Variants in SETD1A observed in about 807,000 individuals in gnomAD.
SETD1A encodes SET domain containing 1A, histone lysine methyltransferase, also known as histone-lysine N-methyltransferase SETD1A.
In SETD1A, 29 loss-of-function variants were observed where a neutral mutation model predicts 149.9. The observed-to-expected ratio is 0.19, with a 90% confidence interval of 0.14 to 0.26. The LOEUF is 0.26. Among genes scored for constraint, SETD1A ranks in the 10% least tolerant of loss-of-function variants. SETD1A has a pLI of 1.00. For synonymous variants in SETD1A, 1,141 were observed against 968.5 expected (o/e 1.18, Z -3.31); for missense variants, 2,109 against 2,353.1 (o/e 0.90, Z 2.15).
chr16:30,979,069 T>C lies in SETD1A; in HGVS notation c.3359-76T>C. 6.4e-6 allele frequency: 9 copies of C among 1,417,120 alleles called. No homozygotes were observed. In the East Asian group the frequency reaches 2.2e-4, roughly 35 times the overall value. 87.8% of individuals were successfully genotyped at this position (1,417,120 alleles called of 1,614,324 possible). A position where few individuals can be genotyped will look rare whatever the true frequency, so the allele number is the denominator to read the frequency against. ...CGGAAGTGGGGGAGAGCACACAGCC[T>C]GTGGTCATGGGCGGCCAGGGTGGCT... On this transcript the variant is annotated intron_variant, in intron 13 of 18. Transcript: ENST00000262519.
At position 30,979,880 on chromosome 16, in the gene SETD1A, GGGAGGAAGAGGGGGAGGAAGAGGAGGA is replaced by G. The variant is rs1164923751; in HGVS notation, c.4099_4125del (p.Glu1367_Glu1375del). The G allele has an allele frequency of 8.5e-6, 13 of 1,534,410 alleles. No homozygotes were observed. Among genetic ancestry groups the G allele is most frequent in the Admixed American group, 2.0e-5 (1 of 50,926 alleles). Reference sequence around the variant, plus strand: ...CAGCGGGAGGAGGGCGAAGAGGAGGGGGAGGAAGAGGGGGAGGAAGAGGAGGAGGAGTCCTCTGACAGCAGCAGCAGC... The same window carrying G: ...CAGCGGGAGGAGGGCGAAGAGGAGGGGGAGTCCTCTGACAGCAGCAGCAGC... On this transcript the variant is annotated inframe_deletion, in exon 14 of 19. Transcript: ENST00000262519.
At chr16:30,962,399 C>T (rs970261635) in intron 4 of SETD1A, among the ~76,000 whole-genome samples, 29 of 152,214 alleles carry the variant, frequency 1.9e-4, no homozygotes, top group African/African-American at 7.0e-4. Context: ...TTCTATAACC[C>T]ATATAGGTTT....
At chr16:30,960,382 T>G (rs541363025) in intron 3 of SETD1A, among the ~76,000 whole-genome samples, 2 of 152,348 alleles carry the variant, frequency 1.3e-5, no homozygotes, top group African/African-American at 4.8e-5. Context: ...TTGTTTTATA[T>G]TTCCATGTTC....
intron 13 of SETD1A, among the ~76,000 whole-genome samples, chr16:30,974,833 C>T (rs2056265129): frequency 6.6e-6 from 1 of 151,880 alleles, no homozygotes. Flanking sequence ...ATGGTGAAAC[C>T]CCATCTTAAC....
chr16:30,958,784 G>A lies in SETD1A; in HGVS notation c.53G>A (p.Arg18Gln). The stretch of plus-strand genomic sequence containing the variant: ...CAGAAGGCCCCGAGCTTCCAGTGGC[G>A]GAACTACAAGCTCATCGTGGATCCT... ...DGQKAPSFQWRNYKLIVDPAL... is the reference protein window; with the variant it reads ...DGQKAPSFQWQNYKLIVDPAL... Residue 18 changes from arginine to glutamine, a missense_variant, in exon 2 of 19, where the codon CGG becomes CAG. Physicochemically the swap from Arg to Gln is conservative, Grantham distance 43 (BLOSUM62 1). Transcript: ENST00000262519. The A allele has an allele frequency of 6.2e-7, 1 of 1,614,136 alleles. No homozygotes were observed. Among genetic ancestry groups the A allele is most frequent in the Non-Finnish European group, 8.5e-7 (1 of 1,179,968 alleles).
rs762251340 is a variant in SETD1A at position 30,964,294 on chromosome 16, C to T, written c.840C>T (p.Pro280=). 2.5e-6 allele frequency: 4 copies of T among 1,613,882 alleles called. No homozygotes were observed. The highest frequency in any genetic ancestry group is 3.4e-6 in the Non-Finnish European group (4 of 1,179,840). The part of the protein sequence containing the change: ...GTPYTSRGST[P]YSQDSAYSSS... ...CCTACACGTCTCGGGGCAGCACCCCCTACTCTCAGGACTCTGCCTACTCCA... is the reference window on the plus strand; with the variant it reads ...CCTACACGTCTCGGGGCAGCACCCCTTACTCTCAGGACTCTGCCTACTCCA... The change falls in exon 6 of 19, where the codon CCC becomes CCT. Residue 280 remains proline, a synonymous_variant. Transcript: ENST00000262519.
Position 30,980,689 on chromosome 16 carries a change from C to T in SETD1A, c.4581+32C>T, listed in dbSNP as rs1289104844. On this transcript the variant is annotated intron_variant, in intron 15 of 18. Coordinates refer to ENST00000262519, the MANE Select transcript of SETD1A (RefSeq NM_014712.3). The surrounding 1 kb of genome is among the most constrained non-coding windows in gnomAD (Gnocchi z 7.7). ...CTAACCCCGCCGCCGCGTCCTCCTG[C>T]CACTCACTTCCCTGCCCTGCTCACC... The T allele has an allele frequency of 1.9e-6, 3 of 1,610,556 alleles. No individual in the cohort carries two copies. The highest frequency in any genetic ancestry group is 4.5e-5 in the East Asian group (2 of 44,882).
At chr16:30,969,499 C>CT (rs759181727) in intron 11 of SETD1A, 37 bp downstream of exon 11, 26 of 1,598,886 alleles carry the variant, frequency 1.6e-5, no homozygotes, top group Non-Finnish European at 1.9e-5. Context: ...CCGAAGCCTA[C>CT]TTCCCATAGC....
chr16:30,979,817 C>A lies in SETD1A; in HGVS notation c.4031C>A (p.Ala1344Asp). ...EVLEAPEVVV[A>D]EAEEPKPQQL... ...CTGGAGGCCCCCGAGGTGGTGGTGG[C>A]TGAGGCGGAGGAGCCCAAGCCGCAG... Residue 1344 changes from alanine (A) to aspartate (D), a missense_variant, in exon 14 of 19, where the codon GCT becomes GAT. Around this residue, in one of 8 missense-constraint regions of SETD1A, gnomAD observed 832 missense variants for 815.6 expected, o/e 1.02. Transcript: ENST00000262519. The A allele has an allele frequency of 6.4e-7, 1 of 1,562,382 alleles. No homozygotes were observed. The highest frequency in any genetic ancestry group is 8.6e-7 in the Non-Finnish European group (1 of 1,161,162).
rs527756257 is a variant in SETD1A at position 30,969,357 on chromosome 16, C to T, written c.2823C>T (p.Pro941=). ...AGCCAGGACGTCCGGGGACCAAGCC[C>T]CCGAAGCGGGACGAAGAGCGAGGCA... ...AGEPGRPGTK[P]PKRDEERGKT... is the part of the protein sequence containing the mutation. Residue 941 remains proline (P), a synonymous_variant, in exon 11 of 19, where the codon CCC becomes CCT. Coordinates refer to ENST00000262519, the MANE Select transcript of SETD1A (RefSeq NM_014712.3). The T allele has an allele frequency of 1.2e-6, 2 of 1,614,178 alleles. No homozygotes were observed. The highest frequency in any genetic ancestry group is 2.2e-5 in the East Asian group (1 of 44,870).
chr16:30,969,308 C>G lies in SETD1A; in HGVS notation c.2774C>G (p.Pro925Arg). The change falls in exon 11 of 19, where the codon CCT (proline) becomes CGT (arginine). Residue 925 changes from proline to arginine, a missense_variant. Pro to Arg is a moderately radical substitution (Grantham distance 103, BLOSUM62 -2). Around this residue, in one of 8 missense-constraint regions of SETD1A, gnomAD observed 832 missense variants for 815.6 expected, o/e 1.02. Coordinates refer to ENST00000262519, the MANE Select transcript of SETD1A (RefSeq NM_014712.3). Reference sequence around the variant, plus strand: ...AACTACCACTCTGCTGGCCTAGACCCTGAACAAGAGAAGGAGGCTGGAGAG... The same window carrying G: ...AACTACCACTCTGCTGGCCTAGACCGTGAACAAGAGAAGGAGGCTGGAGAG... The part of the protein sequence containing the change: ...STPAEEDEDD[P>R]EQEKEAGEPG... The G allele has an allele frequency of 6.2e-7, 1 of 1,613,620 alleles. No homozygotes were observed. Among genetic ancestry groups the G allele is most frequent in the East Asian group, 2.2e-5 (1 of 44,874 alleles).
Position 30,971,726 on chromosome 16 carries a change from GCC to G in SETD1A, c.3358+8_3358+9del. 1 of 1,547,304 alleles carries G rather than the reference GCC, an allele frequency of 6.5e-7. No homozygotes were observed. Among genetic ancestry groups the G allele is most frequent in the Non-Finnish European group, 8.7e-7 (1 of 1,145,056 alleles). Reference sequence around the variant, plus strand: ...TCTCCAGCAAGGCCTGCAGGTAGGTGCCACAGGGCTGTCGGTTAGATCGCTGT... The same window carrying G: ...TCTCCAGCAAGGCCTGCAGGTAGGTGACAGGGCTGTCGGTTAGATCGCTGT... On this transcript the variant is annotated splice_region_variant and intron_variant, in intron 13 of 18. Coordinates refer to ENST00000262519, the MANE Select transcript of SETD1A (RefSeq NM_014712.3).
chr16:30,974,660 G>C (rs117342239), intron 13 of SETD1A, among the ~76,000 whole-genome samples: 1 of 152,132 alleles, frequency 6.6e-6, no homozygotes, highest in African/African-American at 2.4e-5. Context: ...GGGTGTTAAG[G>C]AATGAGGGGA....
chr16:30,973,139 G>A (rs575439104), intron 13 of SETD1A, among the ~76,000 whole-genome samples: 1 of 152,290 alleles, frequency 6.6e-6, no homozygotes, highest in Admixed American at 6.5e-5. Context: ...CTGGAGAAGT[G>A]AGTGAGAGTT....
At position 30,964,267 on chromosome 16, in the gene SETD1A, C is replaced by T. The variant is rs1379659014; in HGVS notation, c.813C>T (p.Thr271=). The T allele has an allele frequency of 6.2e-7, 1 of 1,614,032 alleles. No individual in the cohort carries two copies. Among genetic ancestry groups the T allele is most frequent in the South Asian group, 1.1e-5 (1 of 91,084 alleles). The part of the protein sequence containing the change: ...GQFTPQSSQG[T]PYTSRGSTPY... Reference sequence around the variant, plus strand: ...TCACACCTCAGTCCTCCCAAGGAACCCCCTACACGTCTCGGGGCAGCACCC... The same window carrying T: ...TCACACCTCAGTCCTCCCAAGGAACTCCCTACACGTCTCGGGGCAGCACCC... Residue 271 remains threonine (T), a synonymous_variant, in exon 6 of 19, where the codon ACC becomes ACT. Coordinates refer to ENST00000262519, the MANE Select transcript of SETD1A (RefSeq NM_014712.3).
At position 30,959,074 on chromosome 16, in the gene SETD1A, G is replaced by T; in HGVS notation, c.151-17G>T. 6.3e-7 allele frequency: 1 copy of T among 1,587,356 alleles called. No homozygotes were observed. Among genetic ancestry groups the T allele is most frequent in the Non-Finnish European group, 8.7e-7 (1 of 1,155,678 alleles). ...ATTCACCCTGAGCTCTCTTTCTGCT[G>T]CTGCTTTCCTTCCTAGGACTCAAAG... On this transcript the variant is annotated splice_polypyrimidine_tract_variant and intron_variant, in intron 2 of 18. Transcript: ENST00000262519.
chr16:30,970,655 C>G (rs1406941723), intron 12 of SETD1A, among the ~76,000 whole-genome samples: 2 of 152,136 alleles, frequency 1.3e-5, no homozygotes, highest in African/African-American at 4.8e-5. Flanking sequence ...CTTATAGAAT[C>G]TCTTTCCTAA....
chr16:30,960,526 T>G (rs1224613016), intron 3 of SETD1A, among the ~76,000 whole-genome samples: 2 of 152,164 alleles, frequency 1.3e-5, no homozygotes, highest in Non-Finnish European at 2.9e-5. Context: ...CATGTATGCG[T>G]CAGCTGCCAC....
At position 30,966,346 on chromosome 16, in the gene SETD1A, C is replaced by T; in HGVS notation, c.2465C>T (p.Ala822Val). 6.2e-7 allele frequency: 1 copy of T among 1,613,008 alleles called. No individual in the cohort carries two copies. Among genetic ancestry groups the T allele is most frequent in the Non-Finnish European group, 8.5e-7 (1 of 1,179,496 alleles). Residue 822 changes from alanine (A) to valine (V), a missense_variant, in exon 8 of 19, where the codon GCC becomes GTC. Ala to Val is a moderately conservative substitution (Grantham distance 64, BLOSUM62 0). Coordinates refer to ENST00000262519, the MANE Select transcript of SETD1A (RefSeq NM_014712.3). ...RKMVENVAFG[A>V]FDQWWESKEE... ...ATGGTGGAGAACGTGGCCTTCGGAGCCTTTGACCAGTGGTGGGAGAGCAAG... is the reference window on the plus strand; with the variant it reads ...ATGGTGGAGAACGTGGCCTTCGGAGTCTTTGACCAGTGGTGGGAGAGCAAG...
Sources: allele counts gnomAD v4.1 joint callset (sites outside exome capture counted in the v4.1 genomes callset), GRCh38; gene constraint gnomAD v4.1.1; regional missense constraint gnomAD v4.1.1; non-coding constraint Gnocchi (gnomAD v3.1); transcripts MANE v1.5; gene names NCBI Gene and HGNC (gene_info 2026-07-23, HGNC 2026-07-21).